The following OSBPL3 variants were observed in gnomAD, a reference collection of about 807,000 sequenced individuals.
The protein encoded by OSBPL3 is oxysterol binding protein like 3.
OSBPL3 carries 65 observed loss-of-function variants against 120.1 expected under a neutral mutation model. The ratio of observed to expected loss-of-function variants is 0.54; its 90% CI spans 0.44 to 0.67. The LOEUF (loss-of-function observed/expected upper bound fraction) is 0.67, where lower values mean the gene tolerates loss of function less well. Among genes scored for constraint, OSBPL3 ranks in the 30% least tolerant of loss-of-function variants. The pLI, the probability that OSBPL3 is intolerant of heterozygous loss-of-function variation, is 0.00. For synonymous variants in OSBPL3, 416 were observed against 402.6 expected (o/e 1.03, Z -0.40); for missense variants, 1,004 against 1,082.1 (o/e 0.93, Z 1.01).
rs565377271 is a variant in OSBPL3 at position 24,851,195 on chromosome 7, A to G, written c.1158+1309T>C. Among the ~76,000 whole-genome samples, 1 of 152,358 alleles carries G rather than the reference A, an allele frequency of 6.6e-6. No homozygotes were observed. Among genetic ancestry groups the G allele is most frequent in the East Asian group, 1.9e-4 (1 of 5,196 alleles). ...GAACAATAAGAAAGTTAGGGAAAAA[A>G]AACAAAAACACTTTGCTTCTGCTTC... On this transcript the variant is annotated intron_variant, in intron 11 of 22. Transcript: ENST00000313367. The surrounding 1 kb of genome is among the most constrained non-coding windows in gnomAD (Gnocchi z 4.1).
chr7:24,950,298 G>A (rs537234357), intron 1 of OSBPL3, among the ~76,000 whole-genome samples: 1 of 152,220 alleles, frequency 6.6e-6, no homozygotes, highest in Non-Finnish European at 1.5e-5. Context: ...CTAGAGAATC[G>A]AAATGCCTGT....
chr7:24,889,476 G>A (rs184970432), intron 2 of OSBPL3, among the ~76,000 whole-genome samples: 3 of 152,180 alleles, frequency 2.0e-5, no homozygotes, highest in Non-Finnish European at 4.4e-5. Context: ...TAACTATGGG[G>A]GGTGATGGGT....
At chr7:24,902,194 G>A (rs960367933) in intron 1 of OSBPL3, among the ~76,000 whole-genome samples, 1 of 152,220 alleles carries the variant, frequency 6.6e-6, no homozygotes, top group African/African-American at 2.4e-5. Context: ...GTTAGGTAGT[G>A]TAGGATGTAC....
intron 15 of OSBPL3, among the ~76,000 whole-genome samples, chr7:24,832,754 G>C (rs1280314223): frequency 6.6e-6 from 1 of 152,184 alleles, no homozygotes; most frequent in Non-Finnish European, 1.5e-5. Context: ...ATGTTGTGGG[G>C]AAGACAGAGC....
intron 12 of OSBPL3, among the ~76,000 whole-genome samples, chr7:24,845,929 T>C (rs1215034607): frequency 6.6e-6 from 1 of 152,198 alleles, no homozygotes; most frequent in Admixed American, 6.5e-5. Flanking sequence ...AGCAGGAGGA[T>C]GGCTTGAGCC....
chr7:24,950,729 A>G (rs1814323093), intron 1 of OSBPL3, among the ~76,000 whole-genome samples: 1 of 152,254 alleles, frequency 6.6e-6, no homozygotes, highest in Non-Finnish European at 1.5e-5. Flanking sequence ...CTCAAAAAAC[A>G]AAACAAAACA....
chr7:24,898,350 G>A lies in OSBPL3; in HGVS notation c.-149-5729C>T, dbSNP rs1278376050. ...GGCACCCATACCTGACTGTTTCTGG[G>A]AGAGGAGTACTAAGTTTCTGGGAGA... is the stretch of plus-strand genomic sequence containing the variant. On this transcript the variant is annotated intron_variant, in intron 1 of 22. Transcript: ENST00000313367. This position sits in a 1 kb window ranked among gnomAD's most constrained non-coding sequence, Gnocchi z 4.3. 1.3e-5 allele frequency among the ~76,000 whole-genome samples: 2 copies of A among 152,184 alleles called. No homozygotes were observed. The highest frequency in any genetic ancestry group is 2.9e-5 in the Non-Finnish European group (2 of 68,024).
rs1795814853 is a variant in OSBPL3 at position 24,827,218 on chromosome 7, T to C, written c.1884+3550A>G. On this transcript the variant is annotated intron_variant, in intron 16 of 22. Coordinates refer to ENST00000313367, the MANE Select transcript of OSBPL3 (RefSeq NM_015550.4). This position sits in a 1 kb window ranked among gnomAD's most constrained non-coding sequence, Gnocchi z 5.1. ...GCCATGAGAGCTTATCAATGACACA[T>C]AATGGACAAGGGCGGAGTCATGCTG... Among the ~76,000 whole-genome samples, 4 of 152,264 alleles carry C rather than the reference T, an allele frequency of 2.6e-5. No homozygotes were observed. The South Asian group carries it at 6.2e-4, about 24-fold the overall frequency.
At chr7:24,836,383 G>A (rs1796997616) in intron 14 of OSBPL3, among the ~76,000 whole-genome samples, 1 of 152,182 alleles carries the variant, frequency 6.6e-6, no homozygotes, top group African/African-American at 2.4e-5. Flanking sequence ...GGTTTGGAGT[G>A]CTTTCATGAG....
chr7:24,826,015 T>A (rs1425924056), intron 16 of OSBPL3, among the ~76,000 whole-genome samples: 1 of 152,196 alleles, frequency 6.6e-6, no homozygotes. Flanking sequence ...GCATATCCTT[T>A]CAACACCAAA....
rs1418041345 is a variant in OSBPL3, at chr7:24,824,803, A to G, written c.1885-4565T>C. ...TGAGGATGTGGGGACAGTGAGTAGG[A>G]GTGCTGGTCAGACAGGGTGGTGGGG... On this transcript the variant is annotated intron_variant, in intron 16 of 22. Transcript: ENST00000313367. This position sits in a 1 kb window ranked among gnomAD's most constrained non-coding sequence, Gnocchi z 4.9. Among the ~76,000 whole-genome samples, 1 of 152,218 alleles carries G rather than the reference A, an allele frequency of 6.6e-6. No individual in the cohort carries two copies. The highest frequency in any genetic ancestry group is 1.5e-5 in the Non-Finnish European group (1 of 68,050).
At chr7:24,842,855 G>A (rs1347920045) in intron 12 of OSBPL3, among the ~76,000 whole-genome samples, 1 of 152,218 alleles carries the variant, frequency 6.6e-6, no homozygotes, top group East Asian at 1.9e-4. Context: ...TGCTCTCTGA[G>A]GGAACAATAT....
Position 24,955,664 on chromosome 7 carries a change from C to A in OSBPL3, c.-150+24222G>T, listed in dbSNP as rs900087279. Among the ~76,000 whole-genome samples the A allele has an allele frequency of 1.3e-5, 2 of 152,222 alleles. No individual in the cohort carries two copies. Among genetic ancestry groups the A allele is most frequent in the Admixed American group, 6.5e-5 (1 of 15,282 alleles). ...CACCCCTGTCCCCTATACACTCTAA[C>A]CTACTTATCCCTGCTTTAATGTTCT... On this transcript the variant is annotated intron_variant, in intron 1 of 22. Transcript: ENST00000313367. This position sits in a 1 kb window ranked among gnomAD's most constrained non-coding sequence, Gnocchi z 4.3.
At chr7:24,828,183 C>T (rs1375279653) in intron 16 of OSBPL3, among the ~76,000 whole-genome samples, 23 of 152,128 alleles carry the variant, frequency 1.5e-4, no homozygotes, top group Non-Finnish European at 5.9e-5. Context: ...TGACACCACA[C>T]CTGGCTAATT....
chr7:24,905,116 T>C (rs1267854573), intron 1 of OSBPL3, among the ~76,000 whole-genome samples: 1 of 146,230 alleles, frequency 6.8e-6, no homozygotes, highest in Non-Finnish European at 1.6e-5. Flanking sequence ...TGTGGACACA[T>C]AGCCAGAGCC....
intron 1 of OSBPL3, among the ~76,000 whole-genome samples, chr7:24,911,012 G>A (rs192746608): frequency 5.0e-4 from 76 of 152,338 alleles, no homozygotes; most frequent in Admixed American, 5.9e-4. Context: ...ACTCCCAGGT[G>A]ATTTGGATAC....
Position 24,806,283 on chromosome 7 carries a change from T to C in OSBPL3, c.2444+493A>G, listed in dbSNP as rs1397968157. Among the ~76,000 whole-genome samples, 1 of 152,210 alleles carries C rather than the reference T, an allele frequency of 6.6e-6. No individual in the cohort carries two copies. The highest frequency in any genetic ancestry group is 1.5e-5 in the Non-Finnish European group (1 of 68,036). Reference sequence around the variant, plus strand: ...TTTCTTTCCTTGGGCTTCTAGATTTTGAGTCTTAATTAGAAAGGCCTTAGG... The same window carrying C: ...TTTCTTTCCTTGGGCTTCTAGATTTCGAGTCTTAATTAGAAAGGCCTTAGG... On this transcript the variant is annotated intron_variant, in intron 21 of 22. Transcript: ENST00000313367. This position sits in a 1 kb window ranked among gnomAD's most constrained non-coding sequence, Gnocchi z 5.2.
rs1177216169 is a variant in OSBPL3 at position 24,863,032 on chromosome 7, C to G, written c.870+168G>C. Among the ~76,000 whole-genome samples, 1 of 152,178 alleles carries G rather than the reference C, an allele frequency of 6.6e-6. No homozygotes were observed. Among genetic ancestry groups the G allele is most frequent in the Non-Finnish European group, 1.5e-5 (1 of 68,042 alleles). On this transcript the variant is annotated intron_variant, in intron 9 of 22. Transcript: ENST00000313367. The surrounding 1 kb of genome is among the most constrained non-coding windows in gnomAD (Gnocchi z 5.8). Reference sequence around the variant, plus strand: ...TCCATTATGTGCTTATCCTAGCACCCAGATAATCTAAGTGATTCAATTCAT... The same window carrying G: ...TCCATTATGTGCTTATCCTAGCACCGAGATAATCTAAGTGATTCAATTCAT...
At chr7:24,944,434 C>G (rs1813467457) in intron 1 of OSBPL3, among the ~76,000 whole-genome samples, 2 of 152,146 alleles carry the variant, frequency 1.3e-5, no homozygotes, top group East Asian at 1.9e-4. Flanking sequence ...CAAGACCATC[C>G]TAACCAACAT....
Sources: gnomAD v4.1 joint callset for allele counts (sites outside exome capture counted in the v4.1 genomes callset) on GRCh38, gnomAD v4.1.1 for gene constraint, Gnocchi (gnomAD v3.1) non-coding constraint, MANE v1.5 for transcripts, NCBI Gene and HGNC (gene_info 2026-07-23, HGNC 2026-07-21) for gene names.